Variants in F12 observed in about 807,000 individuals in gnomAD.
F12 encodes the protein coagulation factor XII.
F12 carries 70 observed loss-of-function variants against 74.8 expected under a neutral mutation model. The observed-to-expected ratio is 0.94, with a 90% CI of 0.77 to 1.14. The LOEUF is 1.14. Among genes scored for constraint, F12 ranks in the 50% most tolerant of loss-of-function variants. F12 has a pLI of 0.00. For missense variants in F12, 811 were observed against 835.7 expected (o/e 0.97, Z 0.36); for synonymous variants, 373 against 356.4 (o/e 1.05, Z -0.52).
At position 177,405,449 on chromosome 5, in the gene F12, G is replaced by A; in HGVS notation, c.287-16C>T. 6.2e-7 allele frequency: 1 copy of A among 1,608,584 alleles called. No individual in the cohort carries two copies. The highest frequency in any genetic ancestry group is 8.5e-7 in the Non-Finnish European group (1 of 1,176,872). On this transcript the variant is annotated splice_polypyrimidine_tract_variant and intron_variant, in intron 4 of 13. Transcript: ENST00000253496. ...CTGCAGTGGTCTGAGAGATGGACATGGTGGAAGGAAGAGCAGGGAGCTGAG... is the reference window on the plus strand; with the variant it reads ...CTGCAGTGGTCTGAGAGATGGACATAGTGGAAGGAAGAGCAGGGAGCTGAG...
rs1377588826 is a variant in F12 at position 177,405,140 on chromosome 5, T to A, written c.443A>T (p.Glu148Val). The A allele has an allele frequency of 1.2e-6, 2 of 1,613,958 alleles. No homozygotes were observed. The highest frequency in any genetic ancestry group is 1.7e-6 in the Non-Finnish European group (2 of 1,180,048). ...PQLLRFFHKN[E>V]IWYRTEQAAV... Reference sequence around the variant, plus strand: ...TGCTTGCTCAGTTCTATACCATATCTCATTCTTGTGGAAAAACCGGAGAAG... The same window carrying A: ...TGCTTGCTCAGTTCTATACCATATCACATTCTTGTGGAAAAACCGGAGAAG... Residue 148 changes from glutamate (E) to valine (V), a missense_variant, in exon 6 of 14, where the codon GAG (glutamate) becomes GTG (valine). By Grantham distance (121) the Glu-to-Val change is moderately radical. Coordinates refer to ENST00000253496, the MANE Select transcript of F12 (RefSeq NM_000505.4).
intron 11 of F12, 28 bp downstream of exon 11, chr5:177,403,453 C>T (rs1268335442): frequency 1.3e-6 from 2 of 1,559,704 alleles, no homozygotes; most frequent in Admixed American, 1.9e-5. Context: ...AAGCTCTCTT[C>T]CCGTCCCCGC....
intron 6 of F12, 42 bp downstream of exon 6, chr5:177,405,012 T>C: frequency 6.2e-7 from 1 of 1,605,084 alleles, no homozygotes; most frequent in Non-Finnish European, 8.5e-7. Context: ...CAGCCTGTCT[T>C]CCTGACGCTC....
chr5:177,402,794 T>C (rs527444155), intron 12 of F12, 96 bp from the exon 13 acceptor site: 5 of 1,530,532 alleles, frequency 3.3e-6, no homozygotes, highest in South Asian at 1.2e-5. Flanking sequence ...AACCCACTCA[T>C]GCCCTTCCTC....
At chr5:177,408,363 T>C (rs1468507732) in intron 2 of F12, among the ~76,000 whole-genome samples, 1 of 152,108 alleles carries the variant, frequency 6.6e-6, no homozygotes, top group Non-Finnish European at 1.5e-5. Flanking sequence ...ATGTAGGTAA[T>C]TTAGTGTCTG....
chr5:177,404,122 C>A lies in F12; in HGVS notation c.1019-32G>T, dbSNP rs566798508. ...AGGAGCAGGGGCTGAGGACGGAGAG[C>A]CCGCGGCCGGCTGGCCGGAATCTAG... On this transcript the variant is annotated intron_variant, in intron 9 of 13. Coordinates refer to ENST00000253496, the MANE Select transcript of F12 (RefSeq NM_000505.4). 2.1e-5 allele frequency: 34 copies of A among 1,590,216 alleles called. No homozygotes were observed. In the African/African-American group the frequency reaches 4.3e-4, roughly 20 times the overall value.
At chr5:177,402,830 A>C in intron 12 of F12, 132 bp from the exon 13 acceptor site, 1 of 1,291,822 alleles carries the variant, frequency 7.7e-7, no homozygotes, top group South Asian at 1.3e-5. Context: ...GAAGGGGAGG[A>C]GGTGCCATTA....
At chr5:177,407,443 A>G (rs41309136) in intron 2 of F12, among the ~76,000 whole-genome samples, 13 of 152,158 alleles carry the variant, frequency 8.5e-5, no homozygotes, top group Non-Finnish European at 1.5e-4. Flanking sequence ...CAAGGACCAA[A>G]CCAGAACTAG....
rs1457400500 is a variant in F12 at position 177,403,534 on chromosome 5, C to G, written c.1334G>C (p.Arg445Pro). Residue 445 changes from arginine (R) to proline (P), a missense_variant, in exon 11 of 14, where the codon CGC becomes CCC. Arg to Pro is a moderately radical substitution (Grantham distance 103, BLOSUM62 -2). Transcript: ENST00000253496. Reference sequence around the variant, plus strand: ...GAAGGCCTCGTGCAAGCGGTAGGAGCGCACGGCCAACGTCTGGCACGGCTC... The same window carrying G: ...GAAGGCCTCGTGCAAGCGGTAGGAGGGCACGGCCAACGTCTGGCACGGCTC... ...SCEPCQTLAV[R>P]SYRLHEAFSP... is the part of the protein sequence containing the mutation. The G allele has an allele frequency of 1.9e-6, 3 of 1,591,734 alleles. No homozygotes were observed. The highest frequency in any genetic ancestry group is 2.6e-6 in the Non-Finnish European group (3 of 1,172,538).
chr5:177,405,304 G>C lies in F12; in HGVS notation c.397+19C>G. The C allele has an allele frequency of 6.2e-7, 1 of 1,613,798 alleles. No homozygotes were observed. Among genetic ancestry groups the C allele is most frequent in the Non-Finnish European group, 8.5e-7 (1 of 1,179,858 alleles). On this transcript the variant is annotated intron_variant, in intron 5 of 13. Coordinates refer to ENST00000253496, the MANE Select transcript of F12 (RefSeq NM_000505.4). ...CCCTGTCCCCCAGCACCCCGCCCAG[G>C]TCCTCCACATCTCCTCACCTTTCTG...
intron 2 of F12, among the ~76,000 whole-genome samples, 187 bp downstream of exon 2, chr5:177,408,859 T>C (rs1451502001): frequency 6.6e-6 from 1 of 152,216 alleles, no homozygotes; most frequent in Non-Finnish European, 1.5e-5. Context: ...CGAGCCAGGC[T>C]CGTGGGCACT....
At chr5:177,408,580 G>T (rs1763340492) in intron 2 of F12, among the ~76,000 whole-genome samples, 2 of 152,204 alleles carry the variant, frequency 1.3e-5, no homozygotes, top group African/African-American at 4.8e-5. Context: ...TCACAGAAGG[G>T]GAAATTGAAG....
chr5:177,403,479 A>T lies in F12; in HGVS notation c.1387+2T>A. 6.4e-7 allele frequency: 1 copy of T among 1,560,554 alleles called. No homozygotes were observed. The highest frequency in any genetic ancestry group is 8.6e-7 in the Non-Finnish European group (1 of 1,157,390). On this transcript the variant is annotated splice_donor_variant, in intron 11 of 13. Coordinates refer to ENST00000253496, the MANE Select transcript of F12 (RefSeq NM_000505.4). LOFTEE classifies it high-confidence loss of function. ...CCGTCCCCGCGGGGCGCCCCCACGC[A>T]CCCAGGTCGTGCTGGTAGCTGACGG...
intron 2 of F12, among the ~76,000 whole-genome samples, chr5:177,407,825 G>A (rs1199205580): frequency 6.6e-6 from 1 of 151,902 alleles, no homozygotes; most frequent in African/African-American, 2.4e-5. Context: ...CGGACAGAGA[G>A]GAGGGGGACC....
In F12 at chr5:177,405,734, C is replaced by T. The variant is rs558160225; in HGVS notation, c.286+1G>A. ...GCCACCCCAGAGGCTGTGTGTAGCA[C>T]CTTTCACTTTCTTGGGCTCCAAACA... On this transcript the variant is annotated splice_donor_variant, in intron 4 of 13. Coordinates refer to ENST00000253496, the MANE Select transcript of F12 (RefSeq NM_000505.4). LOFTEE classifies it high-confidence loss of function. 1.9e-6 allele frequency: 3 copies of T among 1,614,138 alleles called. No individual in the cohort carries two copies. The highest frequency in any genetic ancestry group is 1.1e-5 in the South Asian group (1 of 91,086).
chr5:177,408,954 A>T, intron 2 of F12, 92 bp downstream of exon 2: 1 of 1,175,256 alleles, frequency 8.5e-7, no homozygotes, highest in Non-Finnish European at 1.2e-6. Context: ...AGCACCAGGT[A>T]GGCACTAGAC....
intron 4 of F12, 23 bp downstream of exon 4, chr5:177,405,712 A>G (rs1434945092): frequency 6.2e-7 from 1 of 1,611,296 alleles, no homozygotes; most frequent in Non-Finnish European, 8.5e-7. Context: ...GCCCCAGGCC[A>G]CCCCAGAGGC....
Position 177,403,865 on chromosome 5 carries a change from T to C in F12, c.1244A>G (p.Gln415Arg), listed in dbSNP as rs1413258186. ...CWVLTAAHCL[Q>R]DRPAPEDLTV... is the part of the protein sequence containing the mutation. The stretch of plus-strand genomic sequence containing the variant: ...TGGGCGGGCGGGTACTCGCCGGTCC[T>C]GCAGGCAGTGAGCGGCCGTCAGCAC... Residue 415 changes from glutamine (Q) to arginine (R), a missense_variant, in exon 10 of 14, where the codon CAG (glutamine) becomes CGG (arginine). Coordinates refer to ENST00000253496, the MANE Select transcript of F12 (RefSeq NM_000505.4). The C allele has an allele frequency of 1.9e-6, 3 of 1,545,728 alleles. No individual in the cohort carries two copies. Among genetic ancestry groups the C allele is most frequent in the Non-Finnish European group, 2.6e-6 (3 of 1,148,512 alleles).
rs758228282 is a variant in F12, at chr5:177,403,389, G to T, written c.1396C>A (p.Arg466Ser). ...VSYQHDLALLRLQEDADGSCA... is the reference protein window; with the variant it reads ...VSYQHDLALLSLQEDADGSCA... ...CTGCCGTCCGCATCCTCCTGAAGGC[G>T]CAACAGAGCTAACCCGGGCGGAGAG... Residue 466 changes from arginine (R) to serine (S), a missense_variant, in exon 12 of 14, where the codon CGC (arginine) becomes AGC (serine). Physicochemically the swap from Arg to Ser is moderately radical, Grantham distance 110. Coordinates refer to ENST00000253496, the MANE Select transcript of F12 (RefSeq NM_000505.4). 14 of 1,596,698 alleles carry T rather than the reference G, an allele frequency of 8.8e-6. No homozygotes were observed. The East Asian group carries it at 2.0e-4, about 23-fold the overall frequency.
Sources: allele counts gnomAD v4.1 joint callset (sites outside exome capture counted in the v4.1 genomes callset), GRCh38; gene constraint gnomAD v4.1.1; transcripts MANE v1.5; gene names NCBI Gene and HGNC (gene_info 2026-07-23, HGNC 2026-07-21).